The following ABI1 variants were observed in gnomAD, a reference collection of about 807,000 sequenced individuals.
The protein encoded by ABI1 is Abelson interactor 1.
In ABI1, 14 loss-of-function variants were observed where a neutral mutation model predicts 54.6. That is an observed-to-expected ratio of 0.26 (90% CI 0.17 to 0.40). The LOEUF (loss-of-function observed/expected upper bound fraction) is 0.40. Ranked by LOEUF, ABI1 falls within the 10% of genes least tolerant of loss-of-function variation. The pLI is 1.00. For synonymous variants in ABI1, 194 were observed against 209.3 expected (o/e 0.93, Z 0.63); for missense variants, 443 against 598.3 (o/e 0.74, Z 2.71).
rs540753354 is a variant in ABI1 at position 26,779,063 on chromosome 10, T to G, written c.286-1822A>C. 2.0e-5 allele frequency among the ~76,000 whole-genome samples: 3 copies of G among 152,314 alleles called. No individual in the cohort carries two copies. The South Asian group carries it at 6.2e-4, about 32-fold the overall frequency. ...TGTCTTCCAACAGAACCCATGAAAT[T>G]GTGGTAGGCTAACTCATTAGTTAAC... On this transcript the variant is annotated intron_variant, in intron 2 of 10. Coordinates refer to ENST00000376140, the MANE Select transcript of ABI1 (RefSeq NM_001012750.3).
chr10:26,807,546 G>A (rs1017878606), intron 2 of ABI1, among the ~76,000 whole-genome samples: 4 of 152,170 alleles, frequency 2.6e-5, no homozygotes, highest in African/African-American at 9.7e-5. Context: ...TCCAAGATGG[G>A]CAGCAGCTGA....
chr10:26,767,760 T>C (rs1399574279), intron 6 of ABI1, among the ~76,000 whole-genome samples: 1 of 152,104 alleles, frequency 6.6e-6, no homozygotes, highest in Non-Finnish European at 1.5e-5. Context: ...AAATAATAAA[T>C]ACAAGGCCAG....
At chr10:26,803,590 G>A (rs771803748) in intron 2 of ABI1, among the ~76,000 whole-genome samples, 1 of 152,144 alleles carries the variant, frequency 6.6e-6, no homozygotes, top group African/African-American at 2.4e-5. Flanking sequence ...GAAACAGGCA[G>A]GCAAAAATGT....
chr10:26,806,658 A>G (rs1215317968), intron 2 of ABI1, among the ~76,000 whole-genome samples: 1 of 152,160 alleles, frequency 6.6e-6, no homozygotes, highest in African/African-American at 2.4e-5. Context: ...ATTTGTGGAG[A>G]GTAAATTTAT....
At chr10:26,780,143 C>T (rs531622642) in intron 2 of ABI1, among the ~76,000 whole-genome samples, 2 of 152,206 alleles carry the variant, frequency 1.3e-5, no homozygotes, top group Admixed American at 1.3e-4. Flanking sequence ...GGTATAAAAC[C>T]CATTTCCCCC....
At chr10:26,843,485 A>AAAAAAAAAAC (rs1554832672) in intron 1 of ABI1, among the ~76,000 whole-genome samples, 1 of 34,160 alleles carries the variant, frequency 2.9e-5, no homozygotes, top group Non-Finnish European at 5.1e-5. Context: ...AAAAAAAAAA[A>AAAAAAAAAAC]ATATATATAT....
At chr10:26,843,654 A>C (rs149854565) in intron 1 of ABI1, among the ~76,000 whole-genome samples, 2,192 of 151,518 alleles carry the variant, frequency 0.014, 52 homozygotes, top group African/African-American at 0.05. Flanking sequence ...AAAAAGCAAA[A>C]ATGAGAGTGG....
rs2051179154 is a variant in ABI1, at chr10:26,860,158, A to C, written c.117+589T>G. Among the ~76,000 whole-genome samples the C allele has an allele frequency of 6.6e-6, 1 of 151,792 alleles. No homozygotes were observed. The highest frequency in any genetic ancestry group is 1.5e-5 in the Non-Finnish European group (1 of 67,936). On this transcript the variant is annotated intron_variant, in intron 1 of 10. Transcript: ENST00000376140. The surrounding 1 kb of genome is among the most constrained non-coding windows in gnomAD (Gnocchi z 4.1). ...GTCGGTGTAATGTGACTCATGACAA[A>C]TTTTTTTTAAATAAATAAATAAATA...
At chr10:26,827,601 T>TG (rs1039936709) in intron 1 of ABI1, among the ~76,000 whole-genome samples, 2 of 150,130 alleles carry the variant, frequency 1.3e-5, no homozygotes, top group Non-Finnish European at 3.0e-5. Context: ...TTTTTGTTTT[T>TG]TTTTTTTTTG....
At chr10:26,834,112 C>G (rs1003333600) in intron 1 of ABI1, among the ~76,000 whole-genome samples, 4 of 152,096 alleles carry the variant, frequency 2.6e-5, no homozygotes, top group Non-Finnish European at 5.9e-5. Context: ...CGCCTGTAAT[C>G]CCAGCTACTC....
Position 26,823,223 on chromosome 10 carries a change from G to C in ABI1, c.200C>G (p.Ala67Gly). The change falls in exon 2 of 11, where the codon GCA (alanine) becomes GGA (glycine). Residue 67 changes from alanine (A) to glycine (G), a missense_variant. Ala to Gly is a moderately conservative substitution (Grantham distance 60). Around this residue, in one of 2 missense-constraint regions of ABI1, gnomAD observed 394 missense variants for 484.8 expected, o/e 0.81. Transcript: ENST00000376140. ...CAACTGGAGTACATTGTTGGCCAAT[G>C]CATTTATTTGATAAGCAACACTAGC... ...SLASVAYQIN[A>G]LANNVLQLLD... The C allele has an allele frequency of 6.2e-7, 1 of 1,605,804 alleles. No individual in the cohort carries two copies. The highest frequency in any genetic ancestry group is 8.5e-7 in the Non-Finnish European group (1 of 1,177,382).
intron 1 of ABI1, among the ~76,000 whole-genome samples, chr10:26,834,733 A>G (rs143472096): frequency 1.5e-4 from 23 of 151,722 alleles, no homozygotes; most frequent in Non-Finnish European, 4.4e-5. Flanking sequence ...TTGGGAGGCC[A>G]AGGCAGGCGG....
intron 1 of ABI1, among the ~76,000 whole-genome samples, chr10:26,848,200 CAAAA>C (rs149066426): frequency 2.5e-5 from 2 of 78,688 alleles, no homozygotes; most frequent in African/African-American, 4.9e-5. Flanking sequence ...GACCCTGTCT[CAAAA>C]AAAAAAAAAA....
intron 10 of ABI1, among the ~76,000 whole-genome samples, chr10:26,751,127 T>A (rs1837569420): frequency 6.6e-6 from 1 of 152,150 alleles, no homozygotes; most frequent in Non-Finnish European, 1.5e-5. Context: ...CAGACAAAGC[T>A]CCATCATAAG....
chr10:26,859,783 G>A (rs1211345098), intron 1 of ABI1, among the ~76,000 whole-genome samples: 1 of 152,328 alleles, frequency 6.6e-6, no homozygotes. Context: ...CTTGTTAAGA[G>A]AGAAACCTCA....
At chr10:26,754,846 C>A (rs1838093971) in intron 9 of ABI1, among the ~76,000 whole-genome samples, 1 of 152,036 alleles carries the variant, frequency 6.6e-6, no homozygotes, top group Non-Finnish European at 1.5e-5. Flanking sequence ...TGTGATCATG[C>A]AGTTAGGATT....
At chr10:26,832,221 G>A (rs1025058593) in intron 1 of ABI1, among the ~76,000 whole-genome samples, 1 of 152,118 alleles carries the variant, frequency 6.6e-6, no homozygotes, top group East Asian at 1.9e-4. Flanking sequence ...GTAGGGGAGG[G>A]GCAGTTACTA....
rs1447082019 is a variant in ABI1 at position 26,816,078 on chromosome 10, T to C, written c.285+7060A>G. Among the ~76,000 whole-genome samples the C allele has an allele frequency of 2.0e-5, 3 of 152,212 alleles. No homozygotes were observed. The East Asian group carries it at 5.8e-4, about 29-fold the overall frequency. On this transcript the variant is annotated intron_variant, in intron 2 of 10. Transcript: ENST00000376140. ...AAAGTTTATTGGTGAATGGTCTCTG[T>C]ACATCTGATATTAAGTTTATCCACA...
intron 1 of ABI1, among the ~76,000 whole-genome samples, chr10:26,834,793 C>G (rs1295803195): frequency 1.3e-5 from 2 of 151,600 alleles, no homozygotes; most frequent in African/African-American, 2.4e-5. Context: ...ATAGTGAAAC[C>G]CTGTCTCTAC....
Sources: allele counts gnomAD v4.1 joint callset (sites outside exome capture counted in the v4.1 genomes callset), GRCh38; gene constraint gnomAD v4.1.1; regional missense constraint gnomAD v4.1.1; non-coding constraint Gnocchi (gnomAD v3.1); transcripts MANE v1.5; gene names NCBI Gene and HGNC (gene_info 2026-07-23, HGNC 2026-07-21).